Variants in BIVM observed in about 807,000 individuals in gnomAD.
The protein encoded by BIVM is basic immunoglobulin-like variable motif-containing protein.
A neutral mutation model predicts 61.4 loss-of-function variants in BIVM; 31 were observed. The observed-to-expected ratio is 0.51, with a 90% confidence interval of 0.38 to 0.68. BIVM has a LOEUF of 0.68. BIVM is among the 30% of genes least tolerant of loss of function. The pLI is 0.00. For missense variants in BIVM, 526 were observed against 596.0 expected, an observed-to-expected ratio of 0.88 and a Z score of 1.22; for synonymous variants, 189 against 210.7, an observed-to-expected ratio of 0.90 and a Z score of 0.89.
chr13:102,809,183 A>G (rs1240235819), intron 3 of BIVM, among the ~76,000 whole-genome samples: 5 of 152,214 alleles, frequency 3.3e-5, no homozygotes, highest in Admixed American at 3.3e-4. Context: ...GTACTGCTTT[A>G]GCTGCAGCTC....
At chr13:102,826,701 A>G (rs1880696448) in intron 7 of BIVM, among the ~76,000 whole-genome samples, 1 of 152,200 alleles carries the variant, frequency 6.6e-6, no homozygotes, top group Non-Finnish European at 1.5e-5. Context: ...CAAGTCTCAT[A>G]ATTCCTTTTA....
At chr13:102,816,576 T>G (rs765865514) in intron 4 of BIVM, 22 bp downstream of exon 4, 1 of 1,481,116 alleles carries the variant, frequency 6.8e-7, no homozygotes, top group Non-Finnish European at 8.9e-7. Flanking sequence ...AGTTTTTATT[T>G]TTTTCATTTT....
chr13:102,810,087 A>G (rs1287192935), intron 3 of BIVM, among the ~76,000 whole-genome samples: 1 of 152,120 alleles, frequency 6.6e-6, no homozygotes, highest in African/African-American at 2.4e-5. Flanking sequence ...TTTTCATCTT[A>G]CAAAATAAAC....
At chr13:102,827,677 C>A (rs955756847) in intron 7 of BIVM, among the ~76,000 whole-genome samples, 1 of 152,128 alleles carries the variant, frequency 6.6e-6, no homozygotes, top group African/African-American at 2.4e-5. Context: ...CATCATTTTC[C>A]ATTTGCTATG....
At chr13:102,812,424 T>A (rs1879561895) in intron 3 of BIVM, among the ~76,000 whole-genome samples, 1 of 152,208 alleles carries the variant, frequency 6.6e-6, no homozygotes. Context: ...TCTTGTGATT[T>A]TTTGTTGTTG....
intron 7 of BIVM, among the ~76,000 whole-genome samples, chr13:102,822,787 A>C (rs1184337506): frequency 6.6e-6 from 1 of 152,242 alleles, no homozygotes; most frequent in Non-Finnish European, 1.5e-5. Context: ...ATTGTAATAC[A>C]TTGTTAAAGA....
chr13:102,828,367 T>A (rs1297898378), intron 7 of BIVM, among the ~76,000 whole-genome samples: 1 of 152,164 alleles, frequency 6.6e-6, no homozygotes, highest in Non-Finnish European at 1.5e-5. Flanking sequence ...GCATTTATAT[T>A]CATGTATTTA....
intron 9 of BIVM, among the ~76,000 whole-genome samples, chr13:102,834,894 A>AT (rs1011521824): frequency 4.6e-5 from 7 of 151,984 alleles, no homozygotes; most frequent in African/African-American, 1.7e-4. Context: ...AGAGTTTATT[A>AT]TTTTTTTATT....
intron 9 of BIVM, among the ~76,000 whole-genome samples, chr13:102,835,317 C>T (rs1438496067): frequency 5.3e-5 from 8 of 152,006 alleles, no homozygotes; most frequent in Non-Finnish European, 1.0e-4. Flanking sequence ...GGTGACAGAA[C>T]GAGATCCTGC....
chr13:102,824,184 G>A (rs930558773), intron 7 of BIVM, among the ~76,000 whole-genome samples: 1 of 152,106 alleles, frequency 6.6e-6, no homozygotes, highest in Non-Finnish European at 1.5e-5. Flanking sequence ...TGAATACATA[G>A]CAGTTCAGTG....
rs1050990527 is a variant in BIVM at position 102,816,353 on chromosome 13, G to A, written c.479-75G>A. 1.9e-5 allele frequency: 26 copies of A among 1,350,628 alleles called. 1 individual carries two copies. Among genetic ancestry groups the A allele is most frequent in the South Asian group, 3.3e-5 (2 of 60,712 alleles). The allele number at this position is 1,350,628 out of a possible 1,614,324, so 83.7% of individuals were successfully genotyped here. ...TTAAGGCAGTTACTTCTTAATTTTG[G>A]TGCATAATTAATTTTTGTCATTTCA... On this transcript the variant is annotated intron_variant, in intron 3 of 10. Transcript: ENST00000257336.
intron 7 of BIVM, among the ~76,000 whole-genome samples, chr13:102,826,466 A>G (rs1880677171): frequency 6.6e-6 from 1 of 152,224 alleles, no homozygotes; most frequent in Non-Finnish European, 1.5e-5. Context: ...TATAAATAGT[A>G]AGAGATTAAG....
At chr13:102,804,657 A>C (rs1010073052) in intron 1 of BIVM, among the ~76,000 whole-genome samples, 5 of 151,126 alleles carry the variant, frequency 3.3e-5, no homozygotes, top group Non-Finnish European at 7.4e-5. Flanking sequence ...ATGGGGTTTC[A>C]CCATATTGGC....
chr13:102,824,523 G>A (rs1475528003), intron 7 of BIVM, among the ~76,000 whole-genome samples: 1 of 152,194 alleles, frequency 6.6e-6, no homozygotes, highest in Non-Finnish European at 1.5e-5. Context: ...GTTGGCAAAT[G>A]TTTTTACATA....
At chr13:102,839,373 C>T (rs1271833227) in intron 10 of BIVM, among the ~76,000 whole-genome samples, 199 bp from the exon 11 acceptor site, 1 of 151,974 alleles carries the variant, frequency 6.6e-6, no homozygotes, top group Non-Finnish European at 1.5e-5. Context: ...GGTGTTTTGG[C>T]TCCGGTGGGC....
At position 102,816,461 on chromosome 13, in the gene BIVM, C is replaced by A; in HGVS notation, c.512C>A (p.Thr171Asn). ...AAGAAACAAGTTTCCAAGAGAAAAA[C>A]TTCAGATAAAAAGGGAAGATATCAG... ...NAKKQVSKRK[T>N]SDKKGRYQKE... The change falls in exon 4 of 11, where the codon ACT (threonine) becomes AAT (asparagine). Residue 171 changes from threonine (T) to asparagine (N), a missense_variant. Thr to Asn is a moderately conservative substitution (Grantham distance 65). Coordinates refer to ENST00000257336, the MANE Select transcript of BIVM (RefSeq NM_017693.4). 1 of 1,587,976 alleles carries A rather than the reference C, an allele frequency of 6.3e-7. No homozygotes were observed. The highest frequency in any genetic ancestry group is 2.3e-5 in the East Asian group (1 of 42,856).
At chr13:102,832,693 C>A (rs1391443640) in intron 8 of BIVM, among the ~76,000 whole-genome samples, 1 of 152,144 alleles carries the variant, frequency 6.6e-6, no homozygotes, top group Non-Finnish European at 1.5e-5. Flanking sequence ...TCTGGGTTCC[C>A]CCTTTGTCCT....
intron 8 of BIVM, among the ~76,000 whole-genome samples, chr13:102,833,345 T>TTTTTTTTTTTTTTTTTTTTTTTA (rs71131027): frequency 6.9e-6 from 1 of 145,850 alleles, no homozygotes; most frequent in African/African-American, 2.5e-5. Flanking sequence ...TTTTTTTTTT[T>TTTTTTTTTTTTTTTTTTTTTTTA]GAGACAAGGC....
intron 1 of BIVM, chr13:102,801,397 G>A (rs1566442292): frequency 6.6e-6 from 1 of 152,008 alleles, no homozygotes; most frequent in Non-Finnish European, 1.5e-5. Flanking sequence ...CACCATGCAC[G>A]GCTAATTTTG....
Sources: allele counts gnomAD v4.1 joint callset (sites outside exome capture counted in the v4.1 genomes callset), GRCh38; gene constraint gnomAD v4.1.1; transcripts MANE v1.5; gene names NCBI Gene and HGNC (gene_info 2026-07-23, HGNC 2026-07-21).